Variants in ZNF33A observed in about 807,000 individuals in gnomAD.
ZNF33A encodes the protein brain my041 protein.
In ZNF33A, 9 loss-of-function variants were observed where a neutral mutation model predicts 15.9. The observed-to-expected ratio is 0.57, with a 90% CI of 0.34 to 0.99. ZNF33A has a LOEUF of 0.99. Ranked by LOEUF, ZNF33A falls within the 50% of genes least tolerant of loss-of-function variation. The pLI is 0.02. For missense variants in ZNF33A, 843 were observed against 941.6 expected (o/e 0.90, Z 1.37); for synonymous variants, 294 against 324.2 (o/e 0.91, Z 1.00).
chr10:38,064,222 A>C (rs2066688753), downstream of ZNF33A: 1 of 1,093,546 alleles, frequency 9.1e-7, no homozygotes, highest in Non-Finnish European at 1.3e-6. Context: ...CAAGATGGGG[A>C]TGGTGGTCAC....
intron 2 of ZNF33A, among the ~76,000 whole-genome samples, chr10:38,014,342 T>C (rs2064346498): frequency 6.6e-6 from 1 of 152,104 alleles, no homozygotes; most frequent in Admixed American, 6.6e-5. Flanking sequence ...GGCCAAATAT[T>C]TAATGTCTGA....
chr10:38,016,854 A>G lies in ZNF33A; in HGVS notation c.10-17A>G, dbSNP rs748536026. 7.4e-6 allele frequency: 12 copies of G among 1,612,542 alleles called. No individual in the cohort carries two copies. The highest frequency in any genetic ancestry group is 6.8e-6 in the Non-Finnish European group (8 of 1,179,608). On this transcript the variant is annotated splice_polypyrimidine_tract_variant and intron_variant, in intron 2 of 4. Coordinates refer to ENST00000432900, the MANE Select transcript of ZNF33A (RefSeq NM_006954.2). ...CCATACTTCTTTTTTCATGCCACCT[A>G]ATTCTGAATGTTTCAGGTAGAACAG... is the stretch of plus-strand genomic sequence containing the variant.
At chr10:38,054,274 A>T in intron 4 of ZNF33A, 101 bp from the exon 5 acceptor site, 1 of 1,306,278 alleles carries the variant, frequency 7.7e-7, no homozygotes, top group East Asian at 2.6e-5. Flanking sequence ...AAACTGGCCA[A>T]AAAACCAGTC....
At chr10:38,019,587 C>G (rs2064644203) in intron 4 of ZNF33A, among the ~76,000 whole-genome samples, 1 of 152,202 alleles carries the variant, frequency 6.6e-6, no homozygotes. Flanking sequence ...AGTATGTTTT[C>G]TCAAGTACTG....
chr10:38,062,392 A>G (rs540163578), downstream of ZNF33A, among the ~76,000 whole-genome samples: 181 of 152,140 alleles, frequency 1.2e-3, no homozygotes, highest in Non-Finnish European at 1.5e-3. Context: ...GCCATGCTAC[A>G]CTCTCATCTC....
chr10:38,064,381 C>T (rs746341449), downstream of ZNF33A: 1 of 420,956 alleles, frequency 2.4e-6, no homozygotes, highest in Non-Finnish European at 4.2e-6. Flanking sequence ...AGGGCTGAGG[C>T]TTCTCGTGTC....
upstream of ZNF33A, chr10:38,010,640 G>A (rs751862194): frequency 7.6e-6 from 11 of 1,447,048 alleles, no homozygotes; most frequent in South Asian, 1.0e-4. Flanking sequence ...GTGCGCGTGG[G>A]CTCTGCGCAT....
At chr10:38,023,137 G>C (rs2064830713) in intron 4 of ZNF33A, among the ~76,000 whole-genome samples, 1 of 151,988 alleles carries the variant, frequency 6.6e-6, no homozygotes, top group South Asian at 2.1e-4. Flanking sequence ...GTAGAGACGG[G>C]GTTTCACCAT....
intron 4 of ZNF33A, among the ~76,000 whole-genome samples, chr10:38,048,696 C>G (rs936096192): frequency 6.6e-6 from 1 of 151,894 alleles, no homozygotes; most frequent in African/African-American, 2.4e-5. Context: ...TTTTTCATAT[C>G]GATAGAGATC....
chr10:38,060,252 T>C (rs1394809446), downstream of ZNF33A, among the ~76,000 whole-genome samples: 1 of 152,200 alleles, frequency 6.6e-6, no homozygotes, highest in East Asian at 1.9e-4. Context: ...CAATAGGGCC[T>C]CAAATGACCT....
In ZNF33A at chr10:38,058,091, T is replaced by C; in HGVS notation, c.*1531T>C. 1.0e-6 allele frequency: 1 copy of C among 965,502 alleles called. No individual in the cohort carries two copies. The highest frequency in any genetic ancestry group is 1.2e-6 in the Non-Finnish European group (1 of 811,924). 59.8% of individuals were successfully genotyped at this position (965,502 alleles called of 1,614,324 possible). ...TTACACAAGTAATCTAAGCTTCCAC[T>C]TTAGGAAACTAGAAAAAGAAGAGCA... On this transcript the variant is annotated 3_prime_UTR_variant, in exon 5 of 5. Coordinates refer to ENST00000432900, the MANE Select transcript of ZNF33A (RefSeq NM_006954.2).
At chr10:38,029,374 T>G (rs2065118263) in intron 4 of ZNF33A, among the ~76,000 whole-genome samples, 1 of 152,202 alleles carries the variant, frequency 6.6e-6, no homozygotes, top group African/African-American at 2.4e-5. Context: ...ATGTCATCCA[T>G]CTGTCTTCAG....
rs540883528 is a variant in ZNF33A, at chr10:38,054,377, G to A, written c.253G>A (p.Val85Ile). The change falls in exon 5 of 5, where the codon GTC (valine) becomes ATC (isoleucine). Residue 85 changes from valine to isoleucine, a missense_variant and splice_region_variant. Physicochemically the swap from Val to Ile is conservative, Grantham distance 29. Coordinates refer to ENST00000432900, the MANE Select transcript of ZNF33A (RefSeq NM_006954.2). ...AGATTAATTTTGCTTGTTTCTAGAA[G>A]TCTGGACAGCTGATCACCTGAAAGA... The part of the protein sequence containing the change: ...EEFPSQSFPE[V>I]WTADHLKERS... The A allele has an allele frequency of 3.2e-6, 5 of 1,549,354 alleles. No individual in the cohort carries two copies. The East Asian group carries it at 1.1e-4, about 35-fold the overall frequency.
At chr10:38,061,483 T>C (rs1427943324), downstream of ZNF33A, among the ~76,000 whole-genome samples, 1 of 152,168 alleles carries the variant, frequency 6.6e-6, no homozygotes, top group Non-Finnish European at 1.5e-5. Flanking sequence ...TGCCTGAGCG[T>C]GGCCTGGCAT....
intron 4 of ZNF33A, among the ~76,000 whole-genome samples, chr10:38,036,161 CG>C (rs1481074222): frequency 7.9e-5 from 12 of 152,202 alleles, no homozygotes; most frequent in African/African-American, 2.9e-4. Context: ...TTAATGTGGC[CG>C]GGTACGTTGG....
downstream of ZNF33A, chr10:38,064,222 A>T: frequency 9.1e-7 from 1 of 1,093,546 alleles, no homozygotes; most frequent in Non-Finnish European, 1.3e-6. Flanking sequence ...CAAGATGGGG[A>T]TGGTGGTCAC....
chr10:38,037,891 G>A (rs139032517), intron 4 of ZNF33A, among the ~76,000 whole-genome samples: 1 of 152,186 alleles, frequency 6.6e-6, no homozygotes, highest in East Asian at 1.9e-4. Context: ...AGACCAGCTT[G>A]TTAGTTTCTC....
chr10:38,049,347 T>C (rs1173619659), intron 4 of ZNF33A, among the ~76,000 whole-genome samples: 1 of 152,124 alleles, frequency 6.6e-6, no homozygotes, highest in East Asian at 1.9e-4. Context: ...TTACTCCTTT[T>C]TTCTACTTAC....
Position 38,032,750 on chromosome 10 carries a change from C to T in ZNF33A, c.250+15364C>T, listed in dbSNP as rs192897357. ...ACAGGTGTGAACCACCGCACCTTGC[C>T]GACAGTTGTTTTTTTGAGACAGAAT... On this transcript the variant is annotated intron_variant, in intron 4 of 4. Coordinates refer to ENST00000432900, the MANE Select transcript of ZNF33A (RefSeq NM_006954.2). Among the ~76,000 whole-genome samples the T allele has an allele frequency of 2.3e-4, 35 of 150,598 alleles. No homozygotes were observed. In the East Asian group the frequency reaches 5.7e-3, roughly 25 times the overall value.
Sources: gnomAD v4.1 joint callset for allele counts (sites outside exome capture counted in the v4.1 genomes callset) on GRCh38, gnomAD v4.1.1 for gene constraint, MANE v1.5 for transcripts, NCBI Gene and HGNC (gene_info 2026-07-23, HGNC 2026-07-21) for gene names.